The following LMCD1 variants were observed in gnomAD, a reference collection of about 807,000 sequenced individuals.
The protein encoded by LMCD1 is LIM and cysteine-rich domains protein 1.
LMCD1 carries 32 observed loss-of-function variants against 42.7 expected under a neutral mutation model. The ratio of observed to expected loss-of-function variants is 0.75; its 90% CI spans 0.57 to 1.01. LMCD1 has a LOEUF of 1.01. LMCD1 is among the 50% of genes least tolerant of loss of function. The pLI, the probability that LMCD1 is intolerant of heterozygous loss-of-function variation, is 0.00. For synonymous variants in LMCD1, 178 were observed against 184.9 expected (o/e 0.96, Z 0.30); for missense variants, 458 against 483.1 (o/e 0.95, Z 0.49).
chr3:8,505,279 G>T (rs1693856519), intron 1 of LMCD1, among the ~76,000 whole-genome samples: 1 of 152,348 alleles, frequency 6.6e-6, no homozygotes, highest in East Asian at 1.9e-4. Context: ...ATGACCAAAT[G>T]CTGTTGCCTT....
chr3:8,565,461 T>G lies in LMCD1; in HGVS notation c.753T>G (p.Pro251=), dbSNP rs1421516896. 3 of 1,614,046 alleles carry G rather than the reference T, an allele frequency of 1.9e-6. No individual in the cohort carries two copies. Among genetic ancestry groups the G allele is most frequent in the Non-Finnish European group, 1.7e-6 (2 of 1,180,034 alleles). Residue 251 remains proline, a synonymous_variant, in exon 5 of 6, where the codon CCT becomes CCG. Transcript: ENST00000157600. Reference sequence around the variant, plus strand: ...GCGAGCTCTGCAAGGGAGCGGCCCCTCCTGACAGCCCCGTGGTCTACTCGG... The same window carrying G: ...GCGAGCTCTGCAAGGGAGCGGCCCCGCCTGACAGCCCCGTGGTCTACTCGG... ...YVCELCKGAA[P]PDSPVVYSDR...
intron 3 of LMCD1, among the ~76,000 whole-genome samples, chr3:8,546,770 G>A (rs1280087448): frequency 6.6e-6 from 1 of 152,220 alleles, no homozygotes; most frequent in Non-Finnish European, 1.5e-5. Flanking sequence ...GTCCATGAGT[G>A]AAGGTAGAAA....
chr3:8,554,326 G>A (rs751424220), intron 4 of LMCD1, among the ~76,000 whole-genome samples: 31 of 152,152 alleles, frequency 2.0e-4, no homozygotes, highest in Non-Finnish European at 3.7e-4. Context: ...CTGCTTCACC[G>A]GCAGAGTGAA....
chr3:8,523,441 C>A (rs1272391058), intron 1 of LMCD1, among the ~76,000 whole-genome samples: 1 of 152,232 alleles, frequency 6.6e-6, no homozygotes, highest in African/African-American at 2.4e-5. Flanking sequence ...GTCTTTGTTG[C>A]TGTCTGTGTG....
At chr3:8,546,612 T>TCAGGGATTGAACTGTCCC (rs1694739224) in intron 3 of LMCD1, among the ~76,000 whole-genome samples, 1 of 152,216 alleles carries the variant, frequency 6.6e-6, no homozygotes. Context: ...TGGCCTGCCC[T>TCAGGGATTGAACTGTCCC]CAGGGATTGA....
At chr3:8,519,224 A>G (rs1694154788) in intron 1 of LMCD1, among the ~76,000 whole-genome samples, 1 of 152,190 alleles carries the variant, frequency 6.6e-6, no homozygotes, top group Non-Finnish European at 1.5e-5. Flanking sequence ...AATACAAGGT[A>G]CGGGGTTTTC....
At chr3:8,540,505 G>A (rs976459479) in intron 3 of LMCD1, among the ~76,000 whole-genome samples, 2 of 152,230 alleles carry the variant, frequency 1.3e-5, no homozygotes, top group South Asian at 2.1e-4. Context: ...CACAGCCGAT[G>A]TAAGTGACAG....
chr3:8,503,343 A>G (rs1693805319), intron 1 of LMCD1, among the ~76,000 whole-genome samples: 1 of 152,308 alleles, frequency 6.6e-6, no homozygotes, highest in South Asian at 2.1e-4. Context: ...AGTCCAGTGG[A>G]TCCTTCTAAA....
chr3:8,543,706 ATCC>A (rs1384126888), intron 3 of LMCD1, among the ~76,000 whole-genome samples: 1 of 152,036 alleles, frequency 6.6e-6, no homozygotes, highest in Non-Finnish European at 1.5e-5. Context: ...GCTTCAAGCA[ATCC>A]TCCTGTGTCA....
intron 1 of LMCD1, among the ~76,000 whole-genome samples, chr3:8,518,577 T>A (rs1295022728): frequency 1.1e-4 from 16 of 152,154 alleles, no homozygotes; most frequent in Admixed American, 1.0e-3. Context: ...GATTCAGATG[T>A]CAGGTCTGGG....
chr3:8,557,603 A>G (rs150925500), intron 4 of LMCD1, among the ~76,000 whole-genome samples: 1 of 152,184 alleles, frequency 6.6e-6, no homozygotes, highest in Non-Finnish European at 1.5e-5. Flanking sequence ...CCTTCGAGAC[A>G]GTTCTTCAGC....
At chr3:8,543,424 TAG>T (rs1694670501) in intron 3 of LMCD1, among the ~76,000 whole-genome samples, 1 of 124,352 alleles carries the variant, frequency 8.0e-6, no homozygotes, top group Admixed American at 7.8e-5. Context: ...GATAGATAGA[TAG>T]ATAGATAGAT....
chr3:8,548,727 GA>G lies in LMCD1; in HGVS notation c.549del (p.Glu184AsnfsTer131), dbSNP rs1443572332. On this transcript the variant is annotated frameshift_variant, in exon 4 of 6. Coordinates refer to ENST00000157600, the MANE Select transcript of LMCD1 (RefSeq NM_014583.4). LOFTEE classifies it high-confidence loss of function. Reference sequence around the variant, plus strand: ...TTTGGAGAATGAGTTGAAACTGATGGAAGAATTTGTCAAGCAATATAAGAGC... The same window carrying G: ...TTTGGAGAATGAGTTGAAACTGATGGAGAATTTGTCAAGCAATATAAGAGC... The part of the protein sequence containing the change: ...GLLENELKLM[E>X]EFVKQYKSEA... 1 of 1,614,044 alleles carries G rather than the reference GA, an allele frequency of 6.2e-7. No homozygotes were observed. Among genetic ancestry groups the G allele is most frequent in the African/African-American group, 1.3e-5 (1 of 74,936 alleles).
intron 4 of LMCD1, among the ~76,000 whole-genome samples, chr3:8,562,017 G>A (rs1011605391): frequency 1.3e-5 from 2 of 152,210 alleles, no homozygotes; most frequent in African/African-American, 2.4e-5. Flanking sequence ...ACCAGTGAAT[G>A]AATGAGCATT....
intron 1 of LMCD1, among the ~76,000 whole-genome samples, chr3:8,528,732 C>G (rs916839040): frequency 1.3e-5 from 2 of 152,128 alleles, no homozygotes; most frequent in East Asian, 3.9e-4. Context: ...CATTCCTCTT[C>G]CTCTCAACCC....
intron 4 of LMCD1, among the ~76,000 whole-genome samples, chr3:8,561,381 GTT>G (rs5846603): frequency 0.31 from 44,879 of 144,520 alleles, 7,773 homozygotes; most frequent in African/African-American, 0.49. Context: ...TGAGCACAGA[GTT>G]TTTTTTTTTT....
At chr3:8,507,306 A>G (rs1272459400) in intron 1 of LMCD1, among the ~76,000 whole-genome samples, 1 of 152,228 alleles carries the variant, frequency 6.6e-6, no homozygotes, top group Non-Finnish European at 1.5e-5. Flanking sequence ...GTGTTCACCA[A>G]GGCTCCTTTA....
chr3:8,530,221 C>T (rs1694386231), intron 1 of LMCD1, among the ~76,000 whole-genome samples: 1 of 152,232 alleles, frequency 6.6e-6, no homozygotes, highest in Non-Finnish European at 1.5e-5. Flanking sequence ...CGTAACATCT[C>T]ACCAAGTGAG....
At chr3:8,521,011 T>G (rs963202915) in intron 1 of LMCD1, among the ~76,000 whole-genome samples, 2 of 152,332 alleles carry the variant, frequency 1.3e-5, no homozygotes, top group Admixed American at 6.5e-5. Context: ...AATTCACTAT[T>G]CACGTTAGCC....
Sources: gnomAD v4.1 joint callset for allele counts (sites outside exome capture counted in the v4.1 genomes callset) on GRCh38, gnomAD v4.1.1 for gene constraint, MANE v1.5 for transcripts, NCBI Gene and HGNC (gene_info 2026-07-23, HGNC 2026-07-21) for gene names.